The following HDAC9 variants were observed in gnomAD, a reference collection of about 807,000 sequenced individuals.
The protein encoded by HDAC9 is histone deacetylase 9.
HDAC9 carries 41 observed loss-of-function variants against 139.4 expected under a neutral mutation model. The observed-to-expected ratio is 0.29, with a 90% CI of 0.23 to 0.38. HDAC9 has a LOEUF of 0.38. HDAC9 is among the 10% of genes least tolerant of loss of function. The probability of loss-of-function intolerance (pLI) is 1.00; values close to 1 mark genes in which losing one functional copy is unlikely to be tolerated. For missense variants in HDAC9, 1,147 were observed against 1,297.0 expected (o/e 0.88, Z 1.78); for synonymous variants, 517 against 476.2 (o/e 1.09, Z -1.12).
intron 2 of HDAC9, chr7:18,505,869 T>C (rs990684555): frequency 1.3e-5 from 2 of 152,230 alleles, no homozygotes; most frequent in African/African-American, 2.4e-5. Flanking sequence ...CATTAAAACC[T>C]GCAGATGTCC....
intron 12 of HDAC9, among the ~76,000 whole-genome samples, chr7:18,691,474 G>A (rs866624380): frequency 7.9e-5 from 12 of 151,810 alleles, no homozygotes; most frequent in Admixed American, 2.0e-4. Flanking sequence ...TGATTTTTCC[G>A]TGGGCTGTTA....
intron 21 of HDAC9, among the ~76,000 whole-genome samples, chr7:18,844,147 AG>A (rs1231280830): frequency 6.6e-6 from 1 of 152,172 alleles, no homozygotes; most frequent in Non-Finnish European, 1.5e-5. Context: ...CTATTCTAGA[AG>A]GGTAATGGCT....
At position 18,991,579 on chromosome 7, in the gene HDAC9, G is replaced by T. The variant is rs573622133; in HGVS notation, c.3171-4444G>T. 3.9e-5 allele frequency among the ~76,000 whole-genome samples: 6 copies of T among 152,082 alleles called. No individual in the cohort carries two copies. In the East Asian group the frequency reaches 1.2e-3, roughly 29 times the overall value. On this transcript the variant is annotated intron_variant, in intron 25 of 25. Coordinates refer to ENST00000686413, the MANE Select transcript of HDAC9 (RefSeq NM_178425.4). ...GTTAACTCAGGAGGCGGAGCTTGCA[G>T]TGAGCGGAGATGGTGCCATTGCACT...
At chr7:18,912,272 T>C (rs1802808483) in intron 22 of HDAC9, among the ~76,000 whole-genome samples, 1 of 152,034 alleles carries the variant, frequency 6.6e-6, no homozygotes, top group Non-Finnish European at 1.5e-5. Context: ...AGTTATTTCC[T>C]CTCTTATGTT....
At chr7:18,422,824 T>C (rs1789764532) in intron 1 of HDAC9, among the ~76,000 whole-genome samples, 1 of 151,926 alleles carries the variant, frequency 6.6e-6, no homozygotes, top group South Asian at 2.1e-4. Flanking sequence ...GGTTATTTTT[T>C]TCCCCTCTCA....
intron 2 of HDAC9, among the ~76,000 whole-genome samples, chr7:18,196,106 T>G (rs1790708864): frequency 6.6e-6 from 1 of 152,186 alleles, no homozygotes; most frequent in South Asian, 2.1e-4. Flanking sequence ...GACTGCACAT[T>G]TCTTGAGAGT....
chr7:18,374,732 A>G (rs1454193170), intron 1 of HDAC9, among the ~76,000 whole-genome samples: 1 of 152,080 alleles, frequency 6.6e-6, no homozygotes, highest in Non-Finnish European at 1.5e-5. Flanking sequence ...TATAAAATAT[A>G]TAAAGTCTAT....
At chr7:18,764,732 C>A (rs1166025660) in intron 15 of HDAC9, among the ~76,000 whole-genome samples, 2 of 152,016 alleles carry the variant, frequency 1.3e-5, no homozygotes, top group African/African-American at 4.8e-5. Flanking sequence ...TTTATCCATT[C>A]CTTTCACTTC....
At chr7:18,489,552 GA>G (rs1422562528) in intron 1 of HDAC9, among the ~76,000 whole-genome samples, 1 of 151,898 alleles carries the variant, frequency 6.6e-6, no homozygotes, top group East Asian at 1.9e-4. Context: ...TTTAGTTACA[GA>G]GTTTCTTATC....
At chr7:18,943,739 G>T (rs1782180247) in intron 23 of HDAC9, among the ~76,000 whole-genome samples, 1 of 152,088 alleles carries the variant, frequency 6.6e-6, no homozygotes, top group Admixed American at 6.5e-5. Context: ...AATATCTCAT[G>T]TGAGCTGATG....
At chr7:18,641,042 T>A (rs1785438559) in intron 8 of HDAC9, among the ~76,000 whole-genome samples, 1 of 152,148 alleles carries the variant, frequency 6.6e-6, no homozygotes, top group South Asian at 2.1e-4. Context: ...TTTTTACCTT[T>A]CTGAATCCCT....
At chr7:18,212,949 G>T (rs1792051581) in intron 2 of HDAC9, among the ~76,000 whole-genome samples, 1 of 152,196 alleles carries the variant, frequency 6.6e-6, no homozygotes, top group South Asian at 2.1e-4. Flanking sequence ...AGAACCAGCT[G>T]CAAGCTGTCT....
At chr7:18,098,060 G>A (rs1782622380) in intron 1 of HDAC9, among the ~76,000 whole-genome samples, 2 of 151,948 alleles carry the variant, frequency 1.3e-5, no homozygotes, top group Admixed American at 1.3e-4. Flanking sequence ...ACCCTTTCTG[G>A]TCCAGAAGAA....
At chr7:18,725,621 A>C (rs917942805) in intron 12 of HDAC9, among the ~76,000 whole-genome samples, 1 of 152,184 alleles carries the variant, frequency 6.6e-6, no homozygotes, top group African/African-American at 2.4e-5. Flanking sequence ...AGCTGAAGAA[A>C]TTATAGTAGA....
At chr7:18,397,741 G>A (rs2083244510) in intron 1 of HDAC9, among the ~76,000 whole-genome samples, 1 of 152,104 alleles carries the variant, frequency 6.6e-6, no homozygotes, top group African/African-American at 2.4e-5. Context: ...TCCATTGCCT[G>A]ATAACAAAAA....
intron 1 of HDAC9, among the ~76,000 whole-genome samples, chr7:18,469,905 C>T (rs566957775): frequency 6.6e-6 from 1 of 152,200 alleles, no homozygotes; most frequent in South Asian, 2.1e-4. Context: ...TGTTTTCTTG[C>T]ATTTAATAAG....
At chr7:18,969,348 A>G (rs1026701627) in intron 24 of HDAC9, among the ~76,000 whole-genome samples, 23 of 152,188 alleles carry the variant, frequency 1.5e-4, no homozygotes, top group Non-Finnish European at 2.4e-4. Context: ...TAAAGGCTAC[A>G]TTTTAGCCAT....
chr7:18,953,544 C>G (rs1036868054), intron 23 of HDAC9, among the ~76,000 whole-genome samples: 1 of 152,124 alleles, frequency 6.6e-6, no homozygotes, highest in African/African-American at 2.4e-5. Context: ...CCTGTGCTTA[C>G]ACACAGACAT....
intron 2 of HDAC9, among the ~76,000 whole-genome samples, chr7:18,584,426 C>T (rs1438152576): frequency 6.6e-5 from 10 of 151,850 alleles, no homozygotes; most frequent in Non-Finnish European, 1.3e-4. Flanking sequence ...CCGCGCCGGG[C>T]CCTGAAAGCA....
Sources: allele counts gnomAD v4.1 joint callset (sites outside exome capture counted in the v4.1 genomes callset), GRCh38; gene constraint gnomAD v4.1.1; transcripts MANE v1.5; gene names NCBI Gene and HGNC (gene_info 2026-07-23, HGNC 2026-07-21).